Variants in IGF2BP2 observed in about 807,000 individuals in gnomAD.
IGF2BP2 encodes insulin-like growth factor 2 mRNA-binding protein 2.
A neutral mutation model predicts 75.8 loss-of-function variants in IGF2BP2; 17 were observed. The ratio of observed to expected loss-of-function variants is 0.22; its 90% CI spans 0.15 to 0.34. IGF2BP2 has a LOEUF of 0.34. IGF2BP2 is among the 10% of genes least tolerant of loss of function. The pLI is 1.00. For missense variants in IGF2BP2, 516 were observed against 772.4 expected, an observed-to-expected ratio of 0.67 and a Z score of 3.93; for synonymous variants, 288 against 295.6, an observed-to-expected ratio of 0.97 and a Z score of 0.26.
chr3:185,718,485 A>G (rs1187657193), intron 2 of IGF2BP2, among the ~76,000 whole-genome samples: 4 of 152,070 alleles, frequency 2.6e-5, no homozygotes, highest in African/African-American at 9.7e-5. Context: ...CAGGAGATTG[A>G]GACCATCGTG....
chr3:185,823,260 C>T (rs763500735), intron 1 of IGF2BP2, 47 bp from the exon 2 acceptor site: 1 of 1,478,262 alleles, frequency 6.8e-7, no homozygotes, highest in East Asian at 2.3e-5. Context: ...TAGATCAAGC[C>T]CGCGGGGGTC....
At chr3:185,795,899 G>C (rs1389974715) in intron 2 of IGF2BP2, among the ~76,000 whole-genome samples, 2 of 151,656 alleles carry the variant, frequency 1.3e-5, no homozygotes, top group Non-Finnish European at 2.9e-5. Context: ...AAAAAGAAAA[G>C]AAAAAAGAAA....
chr3:185,797,178 T>C (rs922837714), intron 2 of IGF2BP2, among the ~76,000 whole-genome samples: 2 of 152,160 alleles, frequency 1.3e-5, no homozygotes, highest in African/African-American at 4.8e-5. Flanking sequence ...TTCAACTACT[T>C]ATAAAAAGCT....
intron 2 of IGF2BP2, among the ~76,000 whole-genome samples, chr3:185,754,559 T>C (rs1731355358): frequency 6.6e-6 from 1 of 151,946 alleles, no homozygotes; most frequent in African/African-American, 2.4e-5. Flanking sequence ...ATGGAAGAGT[T>C]TGGAGGCTCA....
chr3:185,647,761 C>G lies in IGF2BP2; in HGVS notation c.1594-623G>C, dbSNP rs574699433. 2.9e-4 allele frequency among the ~76,000 whole-genome samples: 44 copies of G among 152,344 alleles called. No homozygotes were observed. Among genetic ancestry groups the G allele is most frequent in the Admixed American group, 2.7e-3 (42 of 15,310 alleles). On this transcript the variant is annotated intron_variant, in intron 14 of 15. Transcript: ENST00000382199. The surrounding 1 kb of genome is among the most constrained non-coding windows in gnomAD (Gnocchi z 4.9). ...CACTGCCTGCATTGTTCATCCTCCC[C>G]GCTGCCTCACTGGGCCTGCTTCCCA... is the stretch of plus-strand genomic sequence containing the variant.
At chr3:185,811,965 G>C (rs543271593) in intron 2 of IGF2BP2, among the ~76,000 whole-genome samples, 12 of 151,820 alleles carry the variant, frequency 7.9e-5, no homozygotes, top group South Asian at 4.2e-4. Context: ...GACTTTCCAA[G>C]AGTCCTTGGC....
At chr3:185,660,245 C>A (rs906655883) in intron 10 of IGF2BP2, among the ~76,000 whole-genome samples, 1 of 152,160 alleles carries the variant, frequency 6.6e-6, no homozygotes, top group African/African-American at 2.4e-5. Flanking sequence ...ACAGGCCCAC[C>A]CTGCAAGATA....
intron 12 of IGF2BP2, among the ~76,000 whole-genome samples, chr3:185,655,605 C>T (rs1207682845): frequency 2.0e-5 from 3 of 152,218 alleles, no homozygotes; most frequent in Non-Finnish European, 2.9e-5. Context: ...GTCCTCCTGA[C>T]GCAGCACTGC....
intron 2 of IGF2BP2, among the ~76,000 whole-genome samples, chr3:185,781,715 A>G (rs755397024): frequency 6.6e-6 from 1 of 151,946 alleles, no homozygotes; most frequent in Non-Finnish European, 1.5e-5. Flanking sequence ...GCACCTCACA[A>G]CTTTCTAAGA....
intron 2 of IGF2BP2, among the ~76,000 whole-genome samples, chr3:185,779,967 C>G (rs1440259843): frequency 6.6e-6 from 1 of 152,108 alleles, no homozygotes; most frequent in Non-Finnish European, 1.5e-5. Flanking sequence ...TTTATTGCAG[C>G]ATGTTTGGAA....
intron 2 of IGF2BP2, among the ~76,000 whole-genome samples, chr3:185,749,021 G>C (rs1449500477): frequency 6.6e-6 from 1 of 152,078 alleles, no homozygotes; most frequent in Non-Finnish European, 1.5e-5. Flanking sequence ...AAAATTAGCT[G>C]GGCATGCTGG....
At chr3:185,760,673 C>T (rs1359558469) in intron 2 of IGF2BP2, among the ~76,000 whole-genome samples, 1 of 152,148 alleles carries the variant, frequency 6.6e-6, no homozygotes, top group African/African-American at 2.4e-5. Flanking sequence ...GTCTGTCCTC[C>T]AACCCCCAGG....
At chr3:185,739,592 C>G (rs966511075) in intron 2 of IGF2BP2, among the ~76,000 whole-genome samples, 9 of 152,010 alleles carry the variant, frequency 5.9e-5, no homozygotes, top group African/African-American at 1.9e-4. Context: ...TGATGCTGTC[C>G]CGTGATGAGG....
At chr3:185,696,174 A>G (rs150977671) in intron 4 of IGF2BP2, among the ~76,000 whole-genome samples, 112 of 152,304 alleles carry the variant, frequency 7.4e-4, no homozygotes, top group African/African-American at 2.5e-3. Context: ...GGAGTCTGCA[A>G]TTCACAAGCA....
In IGF2BP2 at chr3:185,643,769, CTTTTTTTTTCTT is replaced by C. The variant is rs1713021917; in HGVS notation, c.*1750_*1761del. ...TTAGCTGGATATATTTCTGTTTTTT[CTTTTTTTTTCTT>C]TTTTTTTTTTTTTTTTTTGTCACAG... On this transcript the variant is annotated 3_prime_UTR_variant, in exon 16 of 16. Coordinates refer to ENST00000382199, the MANE Select transcript of IGF2BP2 (RefSeq NM_006548.6). The C allele has an allele frequency of 1.7e-5, 2 of 120,412 alleles. No individual in the cohort carries two copies. The highest frequency in any genetic ancestry group is 8.3e-5 in the Admixed American group (1 of 12,076). 7.5% of individuals were successfully genotyped at this position (120,412 alleles called of 1,614,324 possible).
intron 2 of IGF2BP2, among the ~76,000 whole-genome samples, chr3:185,807,480 C>T (rs573616200): frequency 6.6e-6 from 1 of 152,282 alleles, no homozygotes; most frequent in Admixed American, 6.5e-5. Flanking sequence ...CAGTTTTACT[C>T]CAAAAGAGGT....
At chr3:185,762,139 G>A (rs1463571303) in intron 2 of IGF2BP2, among the ~76,000 whole-genome samples, 1 of 152,108 alleles carries the variant, frequency 6.6e-6, no homozygotes, top group Non-Finnish European at 1.5e-5. Context: ...TGTAATCCCA[G>A]CACTTTGGGA....
intron 2 of IGF2BP2, among the ~76,000 whole-genome samples, chr3:185,797,435 A>G (rs1469525589): frequency 6.6e-6 from 1 of 152,276 alleles, no homozygotes; most frequent in Non-Finnish European, 1.5e-5. Context: ...CACCCCAAAG[A>G]GAACATCTGA....
chr3:185,672,494 G>T, intron 10 of IGF2BP2, 47 bp downstream of exon 10: 2 of 1,589,346 alleles, frequency 1.3e-6, no homozygotes, highest in East Asian at 2.3e-5. Context: ...GCTGCTGCCT[G>T]GAGGTGCCCA....
Sources: allele counts gnomAD v4.1 joint callset (sites outside exome capture counted in the v4.1 genomes callset), GRCh38; gene constraint gnomAD v4.1.1; non-coding constraint Gnocchi (gnomAD v3.1); transcripts MANE v1.5; gene names NCBI Gene and HGNC (gene_info 2026-07-23, HGNC 2026-07-21).